Variants in PRH1 observed in about 807,000 individuals in gnomAD.
PRH1 encodes the protein salivary acidic proline-rich phosphoprotein 1/2.
A neutral mutation model predicts 7.9 loss-of-function variants in PRH1; 7 were observed. The ratio of observed to expected loss-of-function variants is 0.89; its 90% confidence interval spans 0.50 to 1.67. The LOEUF (loss-of-function observed/expected upper bound fraction) is 1.67, where lower values mean the gene tolerates loss of function less well. PRH1 is among the 40% of genes most tolerant of loss of function. The probability of loss-of-function intolerance (pLI) is 0.00; values close to 1 mark genes in which losing one functional copy is unlikely to be tolerated. For missense variants in PRH1, 109 were observed against 223.6 expected (o/e 0.49, Z 3.27); for synonymous variants, 45 against 80.8 (o/e 0.56, Z 2.38).
chr12:11,096,969 T>A (rs1945086615), intron 1 of PRH1, among the ~76,000 whole-genome samples: 1 of 113,538 alleles, frequency 8.8e-6, no homozygotes, highest in Non-Finnish European at 2.1e-5. Flanking sequence ...GGCTAATTTT[T>A]TCGTATTTTT....
At chr12:10,897,876 C>T (rs956017627) in intron 2 of PRH1, among the ~76,000 whole-genome samples, 20 of 152,038 alleles carry the variant, frequency 1.3e-4, no homozygotes, top group Non-Finnish European at 1.2e-4. Context: ...GAGATTTGGG[C>T]GAGGACAGAA....
intron 2 of PRH1, among the ~76,000 whole-genome samples, chr12:10,943,823 C>G (rs967805990): frequency 6.6e-6 from 1 of 152,096 alleles, no homozygotes; most frequent in African/African-American, 2.4e-5. Context: ...TTATTAAATA[C>G]GAAGTCTTGT....
At chr12:11,022,704 T>A in intron 1 of PRH1, 1 of 670,382 alleles carries the variant, frequency 1.5e-6, no homozygotes, top group Non-Finnish European at 2.5e-6. Context: ...CAGTGACTAG[T>A]GTCAACAGGC....
intron 1 of PRH1, among the ~76,000 whole-genome samples, chr12:11,029,611 G>A (rs918511308): frequency 2.9e-4 from 6 of 20,664 alleles, no homozygotes; most frequent in Admixed American, 9.1e-4. Flanking sequence ...ATTCAAAAGC[G>A]GAAGAAATGA....
intron 1 of PRH1, chr12:11,171,193 G>C (rs950698708): frequency 4.9e-6 from 2 of 411,234 alleles, no homozygotes; most frequent in African/African-American, 4.1e-5. Context: ...GCGGCGCCCG[G>C]GGCTACGCGC....
intron 2 of PRH1, among the ~76,000 whole-genome samples, chr12:10,922,894 T>A (rs1403631730): frequency 2.3e-5 from 3 of 131,160 alleles, no homozygotes; most frequent in Non-Finnish European, 3.2e-5. Context: ...AGTGGCGCAA[T>A]CTCGGCTCAC....
chr12:10,954,626 A>C (rs1937862289), intron 2 of PRH1, among the ~76,000 whole-genome samples: 1 of 151,992 alleles, frequency 6.6e-6, no homozygotes, highest in Admixed American at 6.6e-5. Flanking sequence ...CACCACCATG[A>C]CTGGCTAATT....
At chr12:11,167,015 A>T (rs771609043) in intron 1 of PRH1, among the ~76,000 whole-genome samples, 1 of 152,222 alleles carries the variant, frequency 6.6e-6, no homozygotes, top group African/African-American at 2.4e-5. Flanking sequence ...GACTGAACCC[A>T]CCTAAATAAT....
chr12:11,094,204 A>G (rs1945017097), intron 1 of PRH1, among the ~76,000 whole-genome samples: 1 of 102,142 alleles, frequency 9.8e-6, no homozygotes, highest in Admixed American at 1.1e-4. Context: ...CAGGAGGCTG[A>G]GGCAGGAGAA....
At chr12:11,092,337 T>A in intron 1 of PRH1, 1 of 573,698 alleles carries the variant, frequency 1.7e-6, no homozygotes, top group Non-Finnish European at 3.0e-6. Flanking sequence ...CCACTGACCT[T>A]CACGGTGAGT....
In PRH1 at chr12:10,922,867, G is replaced by A. The variant is rs1269571273; in HGVS notation, c.-58-38592C>T. Among the ~76,000 whole-genome samples the A allele has an allele frequency of 1.8e-4, 21 of 116,780 alleles. 1 individual carries two copies. The highest frequency in any genetic ancestry group is 1.0e-4 in the Non-Finnish European group (6 of 57,866). 76.6% of individuals were successfully genotyped at this position (116,780 alleles called of 152,430 possible). ...GACGGAGTCTCGCTCTGTCGCCCAG[G>A]CCGGACTGCGGACTGCAGTGGCGCA... On this transcript the variant is annotated intron_variant, in intron 2 of 3. Transcript: ENST00000539853.
intron 1 of PRH1, among the ~76,000 whole-genome samples, chr12:11,002,579 T>C (rs1363755302): frequency 1.3e-5 from 2 of 152,104 alleles, no homozygotes; most frequent in Non-Finnish European, 2.9e-5. Flanking sequence ...TTATATAGCA[T>C]ACAAACTGTA....
rs929742664 is a variant in PRH1, at chr12:10,997,154, T to C, written c.-125-23433A>G. 2.2e-5 allele frequency: 35 copies of C among 1,613,916 alleles called. No individual in the cohort carries two copies. Among genetic ancestry groups the C allele is most frequent in the Admixed American group, 3.3e-5 (2 of 59,972 alleles). On this transcript the variant is annotated intron_variant, in intron 1 of 3. Coordinates refer to the PRH1 transcript ENST00000539853. ...AAACGATATGATTAGACACAGAAAG[T>C]AAATGGCAAGTAATATGAGGAAGGA...
intron 1 of PRH1, among the ~76,000 whole-genome samples, chr12:11,011,160 T>C (rs1941053403): frequency 6.6e-6 from 1 of 152,056 alleles, no homozygotes. Context: ...AAAAGATTGG[T>C]AATAAACCTA....
chr12:10,929,479 G>T, intron 2 of PRH1: 1 of 994,658 alleles, frequency 1.0e-6, no homozygotes. Context: ...CAGAAGACCT[G>T]TTGTGCCTTC....
rs2599398 is a variant in PRH1 at position 11,131,225 on chromosome 12, G to T, written n.40-10045C>A. On this transcript the variant is annotated intron_variant and non_coding_transcript_variant, in intron 1 of 1. Transcript: ENST00000541175. ...TCTTCCATGGACTAATGCCAGCTGT[G>T]GTTTCCCTTTGTAGCCCTTCTGGAA... Among the ~76,000 whole-genome samples, 5 of 152,012 alleles carry T rather than the reference G, an allele frequency of 3.3e-5. No homozygotes were observed. The South Asian group carries it at 1.0e-3, about 31-fold the overall frequency.
chr12:11,075,783 C>A (rs1173780362), intron 1 of PRH1, among the ~76,000 whole-genome samples: 1 of 144,078 alleles, frequency 6.9e-6, no homozygotes, highest in Non-Finnish European at 1.5e-5. Flanking sequence ...AAGCCTATAA[C>A]CTCAACCTGA....
chr12:10,920,606 T>C (rs1230643862), intron 2 of PRH1, among the ~76,000 whole-genome samples: 3 of 152,110 alleles, frequency 2.0e-5, no homozygotes, highest in South Asian at 4.1e-4. Flanking sequence ...TATATTGATA[T>C]TGTACTCAGC....
At chr12:11,033,743 G>A (rs1388784644) in intron 1 of PRH1, among the ~76,000 whole-genome samples, 1 of 152,014 alleles carries the variant, frequency 6.6e-6, no homozygotes, top group East Asian at 1.9e-4. Flanking sequence ...ACAAATAATT[G>A]ATATTTCCCT....
Sources: gnomAD v4.1 joint callset for allele counts (sites outside exome capture counted in the v4.1 genomes callset) on GRCh38, gnomAD v4.1.1 for gene constraint, MANE v1.5 for transcripts, NCBI Gene and HGNC (gene_info 2026-07-23, HGNC 2026-07-21) for gene names.